GCN1: variants seen among roughly 807,000 people sequenced by gnomAD.
GCN1 encodes the protein stalled ribosome sensor GCN1.
GCN1 carries 90 observed loss-of-function variants against 288.4 expected under a neutral mutation model. The ratio of observed to expected loss-of-function variants is 0.31; its 90% CI spans 0.26 to 0.37. The LOEUF is 0.37. Ranked by LOEUF, GCN1 falls within the 10% of genes least tolerant of loss-of-function variation. GCN1 has a pLI of 1.00. For missense variants in GCN1, 2,586 were observed against 3,419.9 expected (o/e 0.76, Z 6.08); for synonymous variants, 1,386 against 1,420.2 (o/e 0.98, Z 0.54).
chr12:120,135,276 C>T (rs1341152526), intron 51 of GCN1, among the ~76,000 whole-genome samples: 1 of 152,228 alleles, frequency 6.6e-6, no homozygotes, highest in Non-Finnish European at 1.5e-5. Flanking sequence ...AACTAAAAAT[C>T]CAGTTCAACC....
In GCN1 at chr12:120,149,986, T is replaced by C. The variant is rs1464193067; in HGVS notation, c.4367A>G (p.Tyr1456Cys). 6.2e-7 allele frequency: 1 copy of C among 1,613,906 alleles called. No individual in the cohort carries two copies. The highest frequency in any genetic ancestry group is 1.3e-5 in the African/African-American group (1 of 74,870). The change falls in exon 35 of 58, where the codon TAT (tyrosine) becomes TGT (cysteine). Residue 1456 changes from tyrosine to cysteine, a missense_variant. This residue lies in a region of GCN1 where 371 missense variants were observed against 572.6 expected (regional missense o/e 0.65). Coordinates refer to ENST00000300648, the MANE Select transcript of GCN1 (RefSeq NM_006836.2). Reference protein sequence around the residue: ...CTMLGKLFEPYVVHVLPHLLL... With the variant: ...CTMLGKLFEPCVVHVLPHLLL... ...CAGATGGGGCAGCACGTGAACCACA[T>C]ACGGCTCAAAAAGTTTCCCCAGCAT...
Position 120,164,647 on chromosome 12 carries a change from G to GAACTTTGTTGCC in GCN1, c.1675_1686dup (p.Gly559_Val562dup). The GAACTTTGTTGCC allele has an allele frequency of 2.5e-6, 4 of 1,612,774 alleles. No homozygotes were observed. The highest frequency in any genetic ancestry group is 3.4e-6 in the Non-Finnish European group (4 of 1,178,792). On this transcript the variant is annotated inframe_insertion and splice_region_variant, in exon 17 of 58. Coordinates refer to ENST00000300648, the MANE Select transcript of GCN1 (RefSeq NM_006836.2). ...AAAAGGTAAGCCAGCCTCACGTACT[G>GAACTTTGTTGCC]AACTTTGTTGCCAGTGAGTCTATGC... is the stretch of plus-strand genomic sequence containing the variant.
intron 57 of GCN1, among the ~76,000 whole-genome samples, chr12:120,128,998 T>A (rs754769098): frequency 6.6e-6 from 1 of 152,030 alleles, no homozygotes; most frequent in Non-Finnish European, 1.5e-5. Context: ...CCACCACGCC[T>A]GGCTAATTTT....
chr12:120,178,765 G>C lies in GCN1; in HGVS notation c.526-6C>G, dbSNP rs1468440233. 7 of 1,614,122 alleles carry C rather than the reference G, an allele frequency of 4.3e-6. No homozygotes were observed. Among genetic ancestry groups the C allele is most frequent in the Non-Finnish European group, 5.9e-6 (7 of 1,180,052 alleles). On this transcript the variant is annotated splice_region_variant and splice_polypyrimidine_tract_variant and intron_variant, in intron 6 of 57. Coordinates refer to ENST00000300648, the MANE Select transcript of GCN1 (RefSeq NM_006836.2). ...TGTTCCACCAGCCCGGGGTTCTGAAGAGGAAAGTGCCAGGCAGGTGTTTAA... is the reference window on the plus strand; with the variant it reads ...TGTTCCACCAGCCCGGGGTTCTGAACAGGAAAGTGCCAGGCAGGTGTTTAA...
At position 120,127,822 on chromosome 12, in the gene GCN1, G is replaced by A. The variant is rs370795423; in HGVS notation, c.*27C>T. The A allele has an allele frequency of 1.5e-5, 24 of 1,606,136 alleles. No homozygotes were observed. The highest frequency in any genetic ancestry group is 1.1e-4 in the African/African-American group (8 of 74,766). ...AAAACATTGAGCAAAGATGTGGAGC[G>A]GCAATGCTGCTGCTGGCCCAGGCCT... On this transcript the variant is annotated 3_prime_UTR_variant, in exon 58 of 58. Coordinates refer to ENST00000300648, the MANE Select transcript of GCN1 (RefSeq NM_006836.2).
chr12:120,164,360 C>T lies in GCN1; in HGVS notation c.1824G>A (p.Leu608=). The T allele has an allele frequency of 6.2e-7, 1 of 1,614,150 alleles. No homozygotes were observed. Among genetic ancestry groups the T allele is most frequent in the Non-Finnish European group, 8.5e-7 (1 of 1,179,986 alleles). ...FKLAHGLLEE[L]KTVLSSHKVL... ...CCTTGTGAGAACTGAGGACAGTCTTCAGCTCCTCCAAGAGTCCGTGCGCCA... is the reference window on the plus strand; with the variant it reads ...CCTTGTGAGAACTGAGGACAGTCTTTAGCTCCTCCAAGAGTCCGTGCGCCA... The change falls in exon 18 of 58, where the codon CTG becomes CTA. Residue 608 remains leucine, a synonymous_variant. Transcript: ENST00000300648.
intron 51 of GCN1, among the ~76,000 whole-genome samples, chr12:120,135,773 G>A (rs1173797402): frequency 6.6e-6 from 1 of 152,164 alleles, no homozygotes; most frequent in Non-Finnish European, 1.5e-5. Flanking sequence ...GGCACACAAA[G>A]GGGATAGGGG....
At chr12:120,154,250 T>C (rs1877666671) in intron 31 of GCN1, among the ~76,000 whole-genome samples, 1 of 152,246 alleles carries the variant, frequency 6.6e-6, no homozygotes, top group Non-Finnish European at 1.5e-5. Flanking sequence ...TGTAGAGGCC[T>C]GTGGAAGTGA....
chr12:120,185,644 C>A (rs181343859), intron 2 of GCN1, among the ~76,000 whole-genome samples: 15 of 152,278 alleles, frequency 9.9e-5, no homozygotes, highest in African/African-American at 2.4e-4. Context: ...TCTATCGCCC[C>A]GGCTGGAGTG....
At chr12:120,131,794 C>T in intron 54 of GCN1, 132 bp downstream of exon 54, 1 of 649,198 alleles carries the variant, frequency 1.5e-6, no homozygotes, top group Non-Finnish European at 2.8e-6. Flanking sequence ...TTTGCTTTAA[C>T]TGCTGGATTC....
At chr12:120,190,524 G>C in intron 1 of GCN1, 124 bp from the exon 2 acceptor site, 1 of 655,468 alleles carries the variant, frequency 1.5e-6, no homozygotes, top group South Asian at 1.7e-5. Flanking sequence ...CTCCCCACTG[G>C]TGACATTTTG....
At position 120,194,143 on chromosome 12, in the gene GCN1, T is replaced by C. The variant is rs117884515; in HGVS notation, c.18+537A>G. Among the ~76,000 whole-genome samples, 49 of 152,324 alleles carry C rather than the reference T, an allele frequency of 3.2e-4. No homozygotes were observed. The East Asian group carries it at 8.5e-3, about 26-fold the overall frequency. On this transcript the variant is annotated intron_variant, in intron 1 of 57. Coordinates refer to ENST00000300648, the MANE Select transcript of GCN1 (RefSeq NM_006836.2). Reference sequence around the variant, plus strand: ...CTTCACAACAACCTTTTAAGATAAGTATTGTTTTAACTTCATTTTATAGAT... The same window carrying C: ...CTTCACAACAACCTTTTAAGATAAGCATTGTTTTAACTTCATTTTATAGAT...
rs924641956 is a variant in GCN1 at position 120,160,125 on chromosome 12, C to T, written c.2550+17G>A. 13 of 1,593,966 alleles carry T rather than the reference C, an allele frequency of 8.2e-6. No individual in the cohort carries two copies. Among genetic ancestry groups the T allele is most frequent in the African/African-American group, 5.4e-5 (4 of 74,532 alleles). ...GCACTCTTCCGGCTTGAGCATGTGG[C>T]GGAGGTGGCCACTCACCTCCTGCAG... On this transcript the variant is annotated intron_variant, in intron 23 of 57. Transcript: ENST00000300648.
chr12:120,134,349 T>C lies in GCN1; in HGVS notation c.7259A>G (p.Asp2420Gly), dbSNP rs1876926707. ...FVIQGAGAKV[D>G]AVIRKNIVSL... ...GACGATGTTTTTCCGGATGACGGCATCCACTTTGGCCCCTGCTCCCTGAAT... is the reference window on the plus strand; with the variant it reads ...GACGATGTTTTTCCGGATGACGGCACCCACTTTGGCCCCTGCTCCCTGAAT... Residue 2420 changes from aspartate to glycine, a missense_variant, in exon 53 of 58, where the codon GAT becomes GGT. Coordinates refer to ENST00000300648, the MANE Select transcript of GCN1 (RefSeq NM_006836.2). This position sits in a 1 kb window ranked among gnomAD's most constrained non-coding sequence, Gnocchi z 5.0. 1 of 1,613,970 alleles carries C rather than the reference T, an allele frequency of 6.2e-7. No individual in the cohort carries two copies. Among genetic ancestry groups the C allele is most frequent in the African/African-American group, 1.3e-5 (1 of 74,906 alleles).
intron 38 of GCN1, among the ~76,000 whole-genome samples, 156 bp from the exon 39 acceptor site, chr12:120,145,486 A>G (rs1877335790): frequency 6.6e-6 from 1 of 152,144 alleles, no homozygotes. Context: ...CAGGGAGGGC[A>G]AGTAAGTCCC....
Position 120,158,020 on chromosome 12 carries a change from G to T in GCN1, c.2916C>A (p.Pro972=). 6.2e-7 allele frequency: 1 copy of T among 1,613,856 alleles called. No homozygotes were observed. Among genetic ancestry groups the T allele is most frequent in the Non-Finnish European group, 8.5e-7 (1 of 1,180,016 alleles). Residue 972 remains proline (P), a synonymous_variant, in exon 26 of 58, where the codon CCC becomes CCA. Coordinates refer to ENST00000300648, the MANE Select transcript of GCN1 (RefSeq NM_006836.2). This position sits in a 1 kb window ranked among gnomAD's most constrained non-coding sequence, Gnocchi z 4.3. ...RVGKGEPGAA[P]LSAPAFSLVF... Reference sequence around the variant, plus strand: ...CTAAGGAGAAGGCTGGCGCGGACAAGGGCGCAGCACCTGTGAGAGCGAGAA... The same window carrying T: ...CTAAGGAGAAGGCTGGCGCGGACAATGGCGCAGCACCTGTGAGAGCGAGAA...
rs529294048 is a variant in GCN1, at chr12:120,130,634, GC to G, written c.7671+11del. ...GTGTTAGGGCTTAAACACATGCTTG[GC>G]CCCCACTCACCTTAACGAACAGGCT... On this transcript the variant is annotated intron_variant, in intron 56 of 57. Coordinates refer to ENST00000300648, the MANE Select transcript of GCN1 (RefSeq NM_006836.2). The G allele has an allele frequency of 6.4e-7, 1 of 1,567,624 alleles. No individual in the cohort carries two copies. The highest frequency in any genetic ancestry group is 1.1e-5 in the South Asian group (1 of 90,124).
At chr12:120,188,974 T>G (rs1878915773) in intron 2 of GCN1, among the ~76,000 whole-genome samples, 1 of 152,118 alleles carries the variant, frequency 6.6e-6, no homozygotes, top group African/African-American at 2.4e-5. Flanking sequence ...ATGGATAAAC[T>G]CTCCATGAAC....
Position 120,142,989 on chromosome 12 carries a change from T to C in GCN1, c.5496-48A>G. 9.0e-7 allele frequency: 1 copy of C among 1,114,546 alleles called. No homozygotes were observed. Among genetic ancestry groups the C allele is most frequent in the Non-Finnish European group, 1.4e-6 (1 of 725,144 alleles). The allele number at this position is 1,114,546 out of a possible 1,614,324, so 69.0% of individuals were successfully genotyped here. On this transcript the variant is annotated intron_variant, in intron 42 of 57. Coordinates refer to ENST00000300648, the MANE Select transcript of GCN1 (RefSeq NM_006836.2). This position sits in a 1 kb window ranked among gnomAD's most constrained non-coding sequence, Gnocchi z 4.9. ...AGTCACACAGCTGCAAGGAGTGGGCTCGGCACAACTGAGCACTGCACAGAA... is the reference window on the plus strand; with the variant it reads ...AGTCACACAGCTGCAAGGAGTGGGCCCGGCACAACTGAGCACTGCACAGAA...
Sources: gnomAD v4.1 joint callset for allele counts (sites outside exome capture counted in the v4.1 genomes callset) on GRCh38, gnomAD v4.1.1 for gene constraint, gnomAD v4.1.1 regional missense constraint, Gnocchi (gnomAD v3.1) non-coding constraint, MANE v1.5 for transcripts, NCBI Gene and HGNC (gene_info 2026-07-23, HGNC 2026-07-21) for gene names.